The following KIDINS220 variants were observed in gnomAD, a reference collection of about 807,000 sequenced individuals.
The protein encoded by KIDINS220 is kinase D-interacting substrate of 220 kDa.
A neutral mutation model predicts 157.6 loss-of-function variants in KIDINS220; 63 were observed. That is an observed-to-expected ratio of 0.40 (90% CI 0.33 to 0.49). KIDINS220 has a LOEUF of 0.49. Ranked by LOEUF, KIDINS220 falls within the 20% of genes least tolerant of loss-of-function variation. KIDINS220 has a pLI of 0.66. For missense variants in KIDINS220, 1,772 were observed against 2,171.2 expected, an observed-to-expected ratio of 0.82 and a Z score of 3.65; for synonymous variants, 732 against 783.6, an observed-to-expected ratio of 0.93 and a Z score of 1.10.
At chr2:8,762,500 G>A (rs1377948956) in intron 22 of KIDINS220, among the ~76,000 whole-genome samples, 3 of 152,184 alleles carry the variant, frequency 2.0e-5, no homozygotes, top group Non-Finnish European at 2.9e-5. Flanking sequence ...CACTTTGGGA[G>A]GCTGAGGCGG....
intron 22 of KIDINS220, among the ~76,000 whole-genome samples, chr2:8,764,512 A>G (rs565572086): frequency 6.8e-4 from 104 of 152,344 alleles, no homozygotes; most frequent in Non-Finnish European, 1.4e-3. Context: ...ATGCCTTCAA[A>G]AACATTGCTG....
At chr2:8,807,535 TC>T (rs1675632322) in intron 6 of KIDINS220, among the ~76,000 whole-genome samples, 1 of 152,216 alleles carries the variant, frequency 6.6e-6, no homozygotes, top group South Asian at 2.1e-4. Context: ...TGAGTTCTTT[TC>T]TTTTTCATTT....
intron 26 of KIDINS220, 47 bp downstream of exon 26, chr2:8,747,098 G>T: frequency 6.5e-7 from 1 of 1,531,188 alleles, no homozygotes; most frequent in Non-Finnish European, 9.0e-7. Context: ...TACTGAGGCA[G>T]AAGCAATGAG....
chr2:8,812,621 A>G (rs904356494), intron 5 of KIDINS220, 128 bp from the exon 6 acceptor site: 2 of 424,508 alleles, frequency 4.7e-6, no homozygotes, highest in Non-Finnish European at 8.4e-6. Context: ...ACATTTGCTA[A>G]GTAAAGTAAA....
rs1174852530 is a variant in KIDINS220, at chr2:8,812,473, A to G, written c.426T>C (p.Ile142=). ...CTGCATGGCCTCTCCCTGCTGCCCA[A>G]ATGATTGGGTAAACACTGTACTGCT... The part of the protein sequence containing the change: ...VTGLYSVYPI[I]WAAGRGHADI... The change falls in exon 6 of 30, where the codon ATT becomes ATC. Residue 142 remains isoleucine, a synonymous_variant. Transcript: ENST00000256707. 1.3e-6 allele frequency: 2 copies of G among 1,595,980 alleles called. No individual in the cohort carries two copies. Among genetic ancestry groups the G allele is most frequent in the East Asian group, 2.3e-5 (1 of 43,430 alleles).
chr2:8,745,545 T>A (rs1481435346), intron 26 of KIDINS220, among the ~76,000 whole-genome samples: 2 of 152,178 alleles, frequency 1.3e-5, no homozygotes, highest in East Asian at 3.9e-4. Context: ...ACACCTGTAA[T>A]CCCAGCACTT....
At chr2:8,722,058 G>A (rs531360663), downstream of KIDINS220, 26 of 152,006 alleles carry the variant, frequency 1.7e-4, 2 homozygotes, top group South Asian at 4.2e-4. Flanking sequence ...AAATCATCCC[G>A]AGCCCATTAA....
chr2:8,784,156 GT>G (rs1672078325), intron 17 of KIDINS220, among the ~76,000 whole-genome samples: 1 of 150,250 alleles, frequency 6.7e-6, no homozygotes, highest in African/African-American at 2.5e-5. Context: ...AAGAAATAGC[GT>G]TTTTAACAAA....
intron 22 of KIDINS220, among the ~76,000 whole-genome samples, chr2:8,760,104 C>A (rs1378653619): frequency 6.6e-6 from 1 of 152,112 alleles, no homozygotes; most frequent in African/African-American, 2.4e-5. Context: ...GTTTTTAACT[C>A]CTTAAAACTA....
chr2:8,823,828 G>A (rs937492054), intron 2 of KIDINS220, among the ~76,000 whole-genome samples: 2 of 152,080 alleles, frequency 1.3e-5, no homozygotes, highest in African/African-American at 4.8e-5. Flanking sequence ...AATTATAAAT[G>A]TTATATCTTA....
chr2:8,798,444 G>C, intron 9 of KIDINS220, 144 bp from the exon 10 acceptor site: 1 of 582,242 alleles, frequency 1.7e-6, no homozygotes, highest in Non-Finnish European at 3.0e-6. Flanking sequence ...CTATCTTGGA[G>C]TTACTTTTGA....
chr2:8,739,367 G>GTAT (rs1333966200), intron 26 of KIDINS220, among the ~76,000 whole-genome samples: 2 of 152,026 alleles, frequency 1.3e-5, no homozygotes, highest in Non-Finnish European at 2.9e-5. Flanking sequence ...TATAAGTTGG[G>GTAT]CTTTATACAA....
intron 2 of KIDINS220, among the ~76,000 whole-genome samples, chr2:8,822,760 A>T (rs1273186040): frequency 1.3e-5 from 2 of 152,358 alleles, no homozygotes; most frequent in African/African-American, 4.8e-5. Flanking sequence ...AGGACAGCTG[A>T]CAGTGACTGT....
intron 9 of KIDINS220, 63 bp from the exon 10 acceptor site, chr2:8,798,363 T>G: frequency 1.1e-6 from 1 of 896,258 alleles, no homozygotes. Flanking sequence ...CTGCTACTTA[T>G]AAATACAAAA....
chr2:8,774,677 C>A (rs553133915), intron 21 of KIDINS220, among the ~76,000 whole-genome samples: 31 of 152,228 alleles, frequency 2.0e-4, no homozygotes, highest in Admixed American at 7.8e-4. Flanking sequence ...TTTCAAGGAA[C>A]AGCAAAGAAG....
chr2:8,741,948 G>T lies in KIDINS220; in HGVS notation c.3586-4949C>A, dbSNP rs766753055. ...CTGGTTGAGGCTACTGTGCAAAGTC[G>T]CTGAGAGCTGACAGGGAGGACCTGT... is the stretch of plus-strand genomic sequence containing the variant. On this transcript the variant is annotated intron_variant, in intron 26 of 29. Coordinates refer to ENST00000256707, the MANE Select transcript of KIDINS220 (RefSeq NM_020738.4). 3.9e-4 allele frequency among the ~76,000 whole-genome samples: 59 copies of T among 152,294 alleles called. 1 individual carries two copies. Among genetic ancestry groups the T allele is most frequent in the African/African-American group, 8.4e-4 (35 of 41,556 alleles).
intron 11 of KIDINS220, among the ~76,000 whole-genome samples, chr2:8,794,758 C>A (rs751814686): frequency 6.6e-6 from 1 of 152,196 alleles, no homozygotes; most frequent in Non-Finnish European, 1.5e-5. Context: ...TTCACAAACA[C>A]CTTGACAAAT....
chr2:8,823,410 CAGA>C (rs1348113517), intron 2 of KIDINS220, among the ~76,000 whole-genome samples: 18 of 138,590 alleles, frequency 1.3e-4, no homozygotes, highest in Non-Finnish European at 2.6e-4. Context: ...TACACTTTAT[CAGA>C]AGTTGTAAAA....
chr2:8,736,822 C>G (rs1392342039), intron 27 of KIDINS220, 46 bp downstream of exon 27: 4 of 1,607,832 alleles, frequency 2.5e-6, no homozygotes, highest in Non-Finnish European at 3.4e-6. Context: ...GTCCTGTCTT[C>G]CGCCCCCAGC....
Sources: allele counts gnomAD v4.1 joint callset (sites outside exome capture counted in the v4.1 genomes callset), GRCh38; gene constraint gnomAD v4.1.1; transcripts MANE v1.5; gene names NCBI Gene and HGNC (gene_info 2026-07-23, HGNC 2026-07-21).